CALHM3: variants seen among roughly 807,000 people sequenced by gnomAD.
CALHM3 encodes the protein calcium homeostasis modulator protein 3.
Under a neutral mutation model 13.6 loss-of-function variants are expected in CALHM3, and 9 were observed. The observed-to-expected ratio is 0.66, with a 90% confidence interval of 0.40 to 1.15. The LOEUF (loss-of-function observed/expected upper bound fraction) is 1.15, where lower values mean the gene tolerates loss of function less well. CALHM3 is among the 50% of genes most tolerant of loss of function. The probability of loss-of-function intolerance (pLI) is 0.01; values close to 1 mark genes in which losing one functional copy is unlikely to be tolerated. For synonymous variants in CALHM3, 231 were observed against 213.2 expected, an observed-to-expected ratio of 1.08 and a Z score of -0.73; for missense variants, 497 against 463.4, an observed-to-expected ratio of 1.07 and a Z score of -0.67.
intron 1 of CALHM3, among the ~76,000 whole-genome samples, chr10:103,477,863 G>A (rs1174981684): frequency 2.0e-5 from 3 of 152,198 alleles, no homozygotes; most frequent in East Asian, 3.9e-4. Flanking sequence ...GAGAGCCACC[G>A]CGCCTGGCCC....
chr10:103,475,347 G>A (rs1564795546), intron 2 of CALHM3, among the ~76,000 whole-genome samples: 1 of 152,200 alleles, frequency 6.6e-6, no homozygotes, highest in Non-Finnish European at 1.5e-5. Context: ...ATACACGAGA[G>A]TAGAAAACCA....
In CALHM3 at chr10:103,473,757, A is replaced by G. The variant is rs1387761930; in HGVS notation, c.544-53T>C. 3 of 1,455,888 alleles carry G rather than the reference A, an allele frequency of 2.1e-6. No homozygotes were observed. In the Admixed American group the frequency reaches 8.0e-5, roughly 39 times the overall value. 90.2% of individuals were successfully genotyped at this position (1,455,888 alleles called of 1,614,324 possible). A position where few individuals can be genotyped will look rare whatever the true frequency, so the allele number is the denominator to read the frequency against. On this transcript the variant is annotated intron_variant, in intron 2 of 2. Transcript: ENST00000369783. ...ATGTGAGTGGGGCCTAATCCTATAT[A>G]CATATGTATTTATGAATACGTATAT... is the stretch of plus-strand genomic sequence containing the variant.
chr10:103,478,629 G>T, intron 1 of CALHM3, 117 bp downstream of exon 1: 1 of 1,111,506 alleles, frequency 9.0e-7, no homozygotes. Flanking sequence ...AGGGTGGGTG[G>T]AGAATCCCCT....
chr10:103,472,934 A>T lies in CALHM3; in HGVS notation c.*279T>A. On this transcript the variant is annotated 3_prime_UTR_variant, in exon 3 of 3. Transcript: ENST00000369783. The stretch of plus-strand genomic sequence containing the variant: ...ACTGACCAAAAGCACATCAGCCTCC[A>T]GGAGCTTGTTTAAAATGCAGAATCT... 1 of 362,136 alleles carries T rather than the reference A, an allele frequency of 2.8e-6. No individual in the cohort carries two copies. Among genetic ancestry groups the T allele is most frequent in the Non-Finnish European group, 4.9e-6 (1 of 204,212 alleles). The allele number at this position is 362,136 out of a possible 1,614,324, so 22.4% of individuals were successfully genotyped here.
intron 2 of CALHM3, among the ~76,000 whole-genome samples, chr10:103,474,703 C>T (rs2033369856): frequency 6.6e-6 from 1 of 152,180 alleles, no homozygotes; most frequent in South Asian, 2.1e-4. Context: ...GATCCACCCG[C>T]CTCGGCCTCC....
chr10:103,472,821 A>C lies in CALHM3; in HGVS notation c.*392T>G. ...AATGAAACTATCGAGGCAGCAGACT[A>C]AGGTCATTATTATTATTTAGAATTG... On this transcript the variant is annotated 3_prime_UTR_variant, in exon 3 of 3. Transcript: ENST00000369783. 5.4e-6 allele frequency: 1 copy of C among 184,064 alleles called. No individual in the cohort carries two copies. The highest frequency in any genetic ancestry group is 1.1e-5 in the Non-Finnish European group (1 of 89,876). 11.4% of individuals were successfully genotyped at this position (184,064 alleles called of 1,614,324 possible). A position where few individuals can be genotyped will look rare whatever the true frequency, so the allele number is the denominator to read the frequency against.
intron 1 of CALHM3, among the ~76,000 whole-genome samples, chr10:103,477,396 G>T (rs1425737944): frequency 1.3e-5 from 2 of 152,154 alleles, no homozygotes; most frequent in African/African-American, 4.8e-5. Flanking sequence ...CTGAATTGCA[G>T]GGAGATGTGA....
Position 103,473,265 on chromosome 10 carries a change from C to T in CALHM3, c.983G>A (p.Arg328His), listed in dbSNP as rs545306595. The change falls in exon 3 of 3, where the codon CGC becomes CAC. Residue 328 changes from arginine to histidine, a missense_variant. Physicochemically the swap from Arg to His is conservative, Grantham distance 29 (BLOSUM62 0). Transcript: ENST00000369783. ...CGTGCCCAGTGCCAAGGTAGGGGCG[C>T]GGTGGCTAAGGCCACCCCCGCAGAG... Reference protein sequence around the residue: ...PGLCGGGLSHRAPTLALGTRL... With the variant: ...PGLCGGGLSHHAPTLALGTRL... The T allele has an allele frequency of 3.4e-6, 5 of 1,450,912 alleles. No homozygotes were observed. Among genetic ancestry groups the T allele is most frequent in the African/African-American group, 1.4e-5 (1 of 69,582 alleles). The allele number at this position is 1,450,912 out of a possible 1,614,324, so 89.9% of individuals were successfully genotyped here. A position where few individuals can be genotyped will look rare whatever the true frequency, so the allele number is the denominator to read the frequency against.
intron 2 of CALHM3, among the ~76,000 whole-genome samples, chr10:103,474,182 C>T (rs2033362345): frequency 6.6e-6 from 1 of 152,158 alleles, no homozygotes; most frequent in Non-Finnish European, 1.5e-5. Flanking sequence ...ATCCATTCAT[C>T]TATCCTCCCT....
rs71474592 is a variant in CALHM3 at position 103,474,449 on chromosome 10, T to TTTTATTTA, written c.544-753_544-746dup. 2.3e-4 allele frequency among the ~76,000 whole-genome samples: 34 copies of TTTTATTTA among 149,944 alleles called. 1 individual carries two copies. The South Asian group carries it at 4.4e-3, about 20-fold the overall frequency. ...CCATCTATCATCCATCCTCTCATCT[T>TTTTATTTA]TTTATTTATTTATTTATATTTTTTG... On this transcript the variant is annotated intron_variant, in intron 2 of 2. Transcript: ENST00000369783.
chr10:103,475,512 C>G (rs188905152), intron 2 of CALHM3, among the ~76,000 whole-genome samples: 1 of 152,280 alleles, frequency 6.6e-6, no homozygotes, highest in African/African-American at 2.4e-5. Flanking sequence ...AGACCAAGCT[C>G]CCCTGTATTT....
Position 103,473,326 on chromosome 10 carries a change from T to G in CALHM3, c.922A>C (p.Ser308Arg). 6.7e-7 allele frequency: 1 copy of G among 1,498,900 alleles called. No homozygotes were observed. Among genetic ancestry groups the G allele is most frequent in the East Asian group, 2.5e-5 (1 of 40,288 alleles). The allele number at this position is 1,498,900 out of a possible 1,614,324, so 92.9% of individuals were successfully genotyped here. ...VDRLLSTWYSSKPPLDLAASP... is the reference protein window; with the variant it reads ...VDRLLSTWYSRKPPLDLAASP... ...GCAGCCAGGTCCAGCGGCGGCTTGCTGGAGTACCACGTGCTTAGGAGGCGG... is the reference window on the plus strand; with the variant it reads ...GCAGCCAGGTCCAGCGGCGGCTTGCGGGAGTACCACGTGCTTAGGAGGCGG... The change falls in exon 3 of 3, where the codon AGC becomes CGC. Residue 308 changes from serine to arginine, a missense_variant. By Grantham distance (110) the Ser-to-Arg change is moderately radical. Coordinates refer to ENST00000369783, the MANE Select transcript of CALHM3 (RefSeq NM_001129742.2).
Position 103,473,168 on chromosome 10 carries a change from G to A in CALHM3, c.*45C>T, listed in dbSNP as rs186428270. ...AAAGACTCCAGAACTTTGTCAGCGCGGCATTTCACCTGCGAACACTGCCGC... is the reference window on the plus strand; with the variant it reads ...AAAGACTCCAGAACTTTGTCAGCGCAGCATTTCACCTGCGAACACTGCCGC... On this transcript the variant is annotated 3_prime_UTR_variant, in exon 3 of 3. Transcript: ENST00000369783. 7 of 1,301,242 alleles carry A rather than the reference G, an allele frequency of 5.4e-6. No homozygotes were observed. In the East Asian group the frequency reaches 1.8e-4, roughly 34 times the overall value. The allele number at this position is 1,301,242 out of a possible 1,614,324, so 80.6% of individuals were successfully genotyped here.
intron 1 of CALHM3, among the ~76,000 whole-genome samples, chr10:103,478,142 A>G (rs904412014): frequency 1.3e-5 from 2 of 152,200 alleles, no homozygotes; most frequent in African/African-American, 4.8e-5. Flanking sequence ...GGAACACTGT[A>G]TAGAGAGGCC....
At chr10:103,476,603 A>C (rs1564795889) in intron 1 of CALHM3, 54 bp from the exon 2 acceptor site, 2 of 1,542,290 alleles carry the variant, frequency 1.3e-6, no homozygotes, top group Admixed American at 2.0e-5. Flanking sequence ...CAGCTGCAGC[A>C]GGGGAGGTGC....
rs986549915 is a variant in CALHM3, at chr10:103,473,464, C to T, written c.784G>A (p.Gly262Ser). The change falls in exon 3 of 3, where the codon GGC (glycine) becomes AGC (serine). Residue 262 changes from glycine to serine, a missense_variant. Coordinates refer to ENST00000369783, the MANE Select transcript of CALHM3 (RefSeq NM_001129742.2). ...AGCTCGAGTCTCCTGCCTGCATTGC[C>T]CCGGCGCAGCCCCCGCGCCTGCAGC... ...SELQARGLRRGNAGRRLELPA... is the reference protein window; with the variant it reads ...SELQARGLRRSNAGRRLELPA... The T allele has an allele frequency of 1.6e-5, 24 of 1,539,904 alleles. No homozygotes were observed. The highest frequency in any genetic ancestry group is 6.0e-5 in the South Asian group (5 of 82,856).
Position 103,473,121 on chromosome 10 carries a change from C to T in CALHM3, c.*92G>A. 1 of 1,241,614 alleles carries T rather than the reference C, an allele frequency of 8.1e-7. No homozygotes were observed. Among genetic ancestry groups the T allele is most frequent in the Non-Finnish European group, 1.0e-6 (1 of 979,622 alleles). 76.9% of individuals were successfully genotyped at this position (1,241,614 alleles called of 1,614,324 possible). ...AGGCTAACAAGACTTAGGGTGCCTGCCGTGGGGTCCCCACGGCCTGGAAAG... is the reference window on the plus strand; with the variant it reads ...AGGCTAACAAGACTTAGGGTGCCTGTCGTGGGGTCCCCACGGCCTGGAAAG... On this transcript the variant is annotated 3_prime_UTR_variant, in exon 3 of 3. Transcript: ENST00000369783.
At chr10:103,475,970 T>C (rs1198805173) in intron 2 of CALHM3, among the ~76,000 whole-genome samples, 1 of 152,202 alleles carries the variant, frequency 6.6e-6, no homozygotes, top group African/African-American at 2.4e-5. Flanking sequence ...TGAACTAAAC[T>C]CTCAGAGCCT....
chr10:103,476,271 C>T (rs372235948), intron 2 of CALHM3, 23 bp downstream of exon 2: 106 of 1,550,122 alleles, frequency 6.8e-5, no homozygotes, highest in Middle Eastern at 3.3e-4. Context: ...GTGCAAGGGC[C>T]GGGGGAGGAT....
Sources: gnomAD v4.1 joint callset for allele counts (sites outside exome capture counted in the v4.1 genomes callset) on GRCh38, gnomAD v4.1.1 for gene constraint, MANE v1.5 for transcripts, NCBI Gene and HGNC (gene_info 2026-07-23, HGNC 2026-07-21) for gene names.